TAF1: variants seen among roughly 807,000 people sequenced by gnomAD.
TAF1 encodes transcription initiation factor TFIID subunit 1.
A neutral mutation model predicts 138.5 loss-of-function variants in TAF1; 2 were observed. The observed-to-expected ratio is 0.01, with a 90% confidence interval of 0.01 to 0.05. The LOEUF is 0.05. Among genes scored for constraint, TAF1 ranks in the 10% least tolerant of loss-of-function variants. The pLI is 1.00. For missense variants in TAF1, 709 were observed against 1,478.0 expected, an observed-to-expected ratio of 0.48 and a Z score of 8.53; for synonymous variants, 437 against 503.2, an observed-to-expected ratio of 0.87 and a Z score of 1.76.
chrX:71,417,777 C>A (rs2036102210), intron 28 of TAF1, among the ~76,000 whole-genome samples: 1 of 111,233 alleles, frequency 9.0e-6, no homozygotes, highest in Non-Finnish European at 1.9e-5. Flanking sequence ...GGGATGTAAC[C>A]CTATCATAAG....
chrX:71,388,200 T>A (rs763861707), intron 15 of TAF1, 37 bp from the exon 16 acceptor site: 1 of 1,206,144 alleles, frequency 8.3e-7, no homozygotes, highest in Non-Finnish European at 1.1e-6. Context: ...TTTATCCTTT[T>A]CTTTGCCAAA....
Position 71,401,608 on chromosome X carries a change from A to G in TAF1, c.3867A>G (p.Pro1289=), listed in dbSNP as rs772659842. ...FCPLYYQTNA[P]PSNPVAMTEE... ...CCCTCTATTATCAAACAAATGCGCC[A>G]CCTTCCAACCCTGTTGCCATGACAG... Residue 1289 remains proline, a synonymous_variant, in exon 25 of 38, where the codon CCA becomes CCG. Coordinates refer to ENST00000423759, the MANE Select transcript of TAF1 (RefSeq NM_004606.5). 1.7e-6 allele frequency: 2 copies of G among 1,211,862 alleles called. No homozygotes were observed. The highest frequency in any genetic ancestry group is 1.8e-5 in the South Asian group (1 of 56,990).
intron 32 of TAF1, among the ~76,000 whole-genome samples, chrX:71,424,621 C>CTATT (rs1368496825): frequency 9.1e-6 from 1 of 110,168 alleles, no homozygotes; most frequent in Non-Finnish European, 1.9e-5. Flanking sequence ...CCTAGTCTTT[C>CTATT]TATTTATTTA....
At position 71,498,860 on chromosome X, in the gene TAF1, C is replaced by T. The variant is rs181266197; in HGVS notation, c.1367-29682C>T. Among the ~76,000 whole-genome samples, 34 of 112,009 alleles carry T rather than the reference C, an allele frequency of 3.0e-4. No individual in the cohort carries two copies. The East Asian group carries it at 3.1e-3, about 10-fold the overall frequency. ...GGTGGGAGAAATACCTGGTTACAGG[C>T]TGTCCCAGGATACCTCGGATGGTAA... On this transcript the variant is annotated intron_variant and NMD_transcript_variant, in intron 13 of 14. Coordinates refer to the TAF1 transcript ENST00000373775.
intron 13 of TAF1, chrX:71,492,565 GCTGT>G (rs750657289): frequency 1.6e-5 from 2 of 126,085 alleles, no homozygotes; most frequent in South Asian, 5.2e-4. Context: ...GCTCCACGTG[GCTGT>G]CTACCTGCCG....
At chrX:71,426,096 A>G (rs977936342) in intron 32 of TAF1, among the ~76,000 whole-genome samples, 4 of 101,167 alleles carry the variant, frequency 4.0e-5, no homozygotes, top group Admixed American at 1.1e-4. Flanking sequence ...CCCATCTCAG[A>G]AAAAAAAAAA....
intron 2 of TAF1, 88 bp downstream of exon 2, chrX:71,367,701 C>A: frequency 9.7e-7 from 1 of 1,034,045 alleles, no homozygotes; most frequent in Non-Finnish European, 1.3e-6. Context: ...GACGGAGTTT[C>A]GCTCTGTCTC....
chrX:71,493,848 T>TTAGTTAGGCTTGGTGATTCTCCCCTG (rs2039344226), intron 13 of TAF1, among the ~76,000 whole-genome samples: 1 of 111,275 alleles, frequency 9.0e-6, no homozygotes, highest in African/African-American at 3.3e-5. Flanking sequence ...ATTTTAAACA[T>TTAGTTAGGCTTGGTGATTCTCCCCTG]TAGTTAGGCT....
At chrX:71,524,819 T>C (rs1411762296) in intron 13 of TAF1, among the ~76,000 whole-genome samples, 1 of 106,760 alleles carries the variant, frequency 9.4e-6, no homozygotes, top group Non-Finnish European at 1.9e-5. Flanking sequence ...CGGTTGCCTG[T>C]AATCCCAACT....
intron 13 of TAF1, among the ~76,000 whole-genome samples, chrX:71,495,976 G>A (rs1018093475): frequency 1.5e-4 from 17 of 112,362 alleles, no homozygotes; most frequent in Non-Finnish European, 3.8e-5. Context: ...ATAAAACCTC[G>A]TTCAGTCCAT....
chrX:71,410,080 A>G (rs2035690534), intron 28 of TAF1, among the ~76,000 whole-genome samples: 1 of 108,926 alleles, frequency 9.2e-6, no homozygotes, highest in African/African-American at 3.3e-5. Flanking sequence ...TTCAGTAGAG[A>G]CGGGATTTCT....
Position 71,382,797 on chromosome X carries a change from C to G in TAF1, c.1702C>G (p.Leu568Val). Residue 568 changes from leucine (L) to valine (V), a missense_variant, in exon 11 of 38, where the codon CTC becomes GTC. This residue lies in a region of TAF1 where 201 missense variants were observed against 421.3 expected (regional missense o/e 0.48). Coordinates refer to ENST00000423759, the MANE Select transcript of TAF1 (RefSeq NM_004606.5). Reference protein sequence around the residue: ...SQPEVKDPWNLSNDEYYYPKQ... With the variant: ...SQPEVKDPWNVSNDEYYYPKQ... ...GCCAGAAGTGAAAGATCCATGGAAT[C>G]TCTCCAATGATGAGTATTATTATCC... 8.3e-7 allele frequency: 1 copy of G among 1,210,186 alleles called. No individual in the cohort carries two copies. The highest frequency in any genetic ancestry group is 1.1e-6 in the Non-Finnish European group (1 of 895,021).
chrX:71,370,934 T>C (rs1273309279), intron 3 of TAF1, among the ~76,000 whole-genome samples: 1 of 112,219 alleles, frequency 8.9e-6, no homozygotes, highest in Non-Finnish European at 1.9e-5. Context: ...TTATTCATAG[T>C]AAGACAAACC....
chrX:71,469,017 T>C (rs1025901858), downstream of TAF1, among the ~76,000 whole-genome samples: 6 of 109,731 alleles, frequency 5.5e-5, no homozygotes, highest in Non-Finnish European at 7.6e-5. Context: ...CAAAACAAAA[T>C]GGAGGCTGGG....
chrX:71,480,640 T>G (rs2039054380), intron 13 of TAF1, among the ~76,000 whole-genome samples: 1 of 111,762 alleles, frequency 8.9e-6, no homozygotes, highest in South Asian at 3.7e-4. Flanking sequence ...AGTCCTTTCA[T>G]GGAGGTGGAG....
intron 32 of TAF1, among the ~76,000 whole-genome samples, chrX:71,440,007 A>G (rs1305239241): frequency 9.0e-6 from 1 of 111,332 alleles, no homozygotes; most frequent in Non-Finnish European, 1.9e-5. Flanking sequence ...TGCCATATAT[A>G]TGTTCCTGTA....
chrX:71,502,541 G>A (rs201408792), intron 13 of TAF1, among the ~76,000 whole-genome samples: 1 of 112,751 alleles, frequency 8.9e-6, no homozygotes. Flanking sequence ...TTGTACCACC[G>A]CTTATTGAAT....
chrX:71,402,589 A>G (rs1447603976), intron 25 of TAF1, among the ~76,000 whole-genome samples: 1 of 112,250 alleles, frequency 8.9e-6, no homozygotes, highest in Admixed American at 9.5e-5. Flanking sequence ...AGACATAGAA[A>G]CTGTGCTTAT....
intron 14 of TAF1, among the ~76,000 whole-genome samples, chrX:71,529,066 C>T (rs1212365397): frequency 2.8e-5 from 3 of 108,392 alleles, no homozygotes; most frequent in African/African-American, 1.0e-4. Flanking sequence ...CTGATTGGTG[C>T]GTTTTGTTTT....
Sources: gnomAD v4.1 joint callset for allele counts (sites outside exome capture counted in the v4.1 genomes callset) on GRCh38, gnomAD v4.1.1 for gene constraint, gnomAD v4.1.1 regional missense constraint, MANE v1.5 for transcripts, NCBI Gene and HGNC (gene_info 2026-07-23, HGNC 2026-07-21) for gene names.